Variants in ZNF91 observed in about 807,000 individuals in gnomAD.
The protein encoded by ZNF91 is zinc finger protein 91 (HPF7, HTF10).
Under a neutral mutation model 12.6 loss-of-function variants are expected in ZNF91, and 7 were observed. The ratio of observed to expected loss-of-function variants is 0.55; its 90% CI spans 0.31 to 1.04. ZNF91 has a LOEUF of 1.04. Ranked by LOEUF, ZNF91 falls within the 50% of genes least tolerant of loss-of-function variation. The probability of loss-of-function intolerance (pLI) is 0.05; values close to 1 mark genes in which losing one functional copy is unlikely to be tolerated. For missense variants in ZNF91, 1,217 were observed against 1,385.4 expected (o/e 0.88, Z 1.93); for synonymous variants, 453 against 462.6 (o/e 0.98, Z 0.27).
intron 1 of ZNF91, among the ~76,000 whole-genome samples, chr19:23,384,204 A>G (rs973824438): frequency 1.3e-5 from 2 of 152,184 alleles, no homozygotes; most frequent in African/African-American, 4.8e-5. Flanking sequence ...CATCAGGAAA[A>G]CCGTAGAGAC....
At chr19:23,314,662 C>G (rs1967523323), upstream of ZNF91, among the ~76,000 whole-genome samples, 1 of 152,078 alleles carries the variant, frequency 6.6e-6, no homozygotes, top group African/African-American at 2.4e-5. Flanking sequence ...CATCCTGAGG[C>G]TTACCCACAG....
chr19:23,343,199 T>C (rs1968158674), intron 3 of ZNF91, among the ~76,000 whole-genome samples: 1 of 152,202 alleles, frequency 6.6e-6, no homozygotes, highest in Non-Finnish European at 1.5e-5. Flanking sequence ...AGTTCTCATA[T>C]GGAGAAGTCA....
intron 1 of ZNF91, chr19:23,384,996 A>G (rs1969829040): frequency 7.6e-6 from 9 of 1,191,052 alleles, no homozygotes; most frequent in Non-Finnish European, 1.1e-5. Flanking sequence ...GTCAGGAGAA[A>G]AGCAGTCTGT....
At chr19:23,372,675 A>T (rs1223173632) in intron 3 of ZNF91, among the ~76,000 whole-genome samples, 2 of 152,188 alleles carry the variant, frequency 1.3e-5, no homozygotes, top group African/African-American at 4.8e-5. Context: ...CTGCCCTTCC[A>T]GAGGCCTGGA....
rs755372276 is a variant in ZNF91, at chr19:23,360,553, C to T, written c.2426G>A (p.Arg809His). The T allele has an allele frequency of 5.6e-5, 90 of 1,605,726 alleles. No homozygotes were observed. Among genetic ancestry groups the T allele is most frequent in the Middle Eastern group, 1.7e-4 (1 of 5,996 alleles). The change falls in exon 4 of 4, where the codon CGT (arginine) becomes CAT (histidine). Residue 809 changes from arginine (R) to histidine (H), a missense_variant. By Grantham distance (29) the Arg-to-His change is conservative (BLOSUM62 0). Coordinates refer to ENST00000300619, the MANE Select transcript of ZNF91 (RefSeq NM_003430.4). ...KCEECGKAFS[R>H]SSTLTKHKTI... Reference sequence around the variant, plus strand: ...CTTATGCTTAGTAAGGGTTGAGGAACGGCTAAAAGCTTTGCCACATTCTTC... The same window carrying T: ...CTTATGCTTAGTAAGGGTTGAGGAATGGCTAAAAGCTTTGCCACATTCTTC...
rs573627642 is a variant in ZNF91 at position 23,346,261 on chromosome 19, C to A, written c.254-7207G>T. Among the ~76,000 whole-genome samples, 5 of 152,212 alleles carry A rather than the reference C, an allele frequency of 3.3e-5. No homozygotes were observed. In the South Asian group the frequency reaches 8.3e-4, roughly 25 times the overall value. On this transcript the variant is annotated intron_variant, in intron 3 of 3. Transcript: ENST00000599743. ...ACATTATCCTCTCTGCCACCCTCTCCCCAGAAGACGAGGACCGTATCTAGA... is the reference window on the plus strand; with the variant it reads ...ACATTATCCTCTCTGCCACCCTCTCACCAGAAGACGAGGACCGTATCTAGA...
At chr19:23,372,419 C>T (rs1269968617) in intron 3 of ZNF91, among the ~76,000 whole-genome samples, 1 of 152,094 alleles carries the variant, frequency 6.6e-6, no homozygotes, top group Admixed American at 6.5e-5. Context: ...TGCAAGACCC[C>T]ATCTCAAAAA....
At chr19:23,348,525 T>C (rs1968287335) in intron 3 of ZNF91, among the ~76,000 whole-genome samples, 1 of 152,234 alleles carries the variant, frequency 6.6e-6, no homozygotes, top group African/African-American at 2.4e-5. Flanking sequence ...AATCCCATCA[T>C]CTTTGTAAGC....
intron 1 of ZNF91, among the ~76,000 whole-genome samples, chr19:23,309,289 A>C (rs1167039320): frequency 6.6e-6 from 1 of 151,994 alleles, no homozygotes; most frequent in Non-Finnish European, 1.5e-5. Flanking sequence ...ATATCTTTGC[A>C]CCCATCACCT....
chr19:23,329,958 ATC>A (rs1431853807), intron 1 of ZNF91, among the ~76,000 whole-genome samples: 2 of 152,164 alleles, frequency 1.3e-5, no homozygotes, highest in Admixed American at 6.5e-5. Flanking sequence ...GAGAAAAAAT[ATC>A]TGTCTCACTT....
chr19:23,362,075 C>G lies in ZNF91; in HGVS notation c.904G>C (p.Ala302Pro). Residue 302 changes from alanine (A) to proline (P), a missense_variant, in exon 4 of 4, where the codon GCT (alanine) becomes CCT (proline). Ala to Pro is a conservative substitution (Grantham distance 27, BLOSUM62 -1). Coordinates refer to ENST00000300619, the MANE Select transcript of ZNF91 (RefSeq NM_003430.4). ...GCAAGGGTTGAAGAATGGCTAAAAGCTTTGCCACATTCTTCACATTTGTAG... is the reference window on the plus strand; with the variant it reads ...GCAAGGGTTGAAGAATGGCTAAAAGGTTTGCCACATTCTTCACATTTGTAG... The part of the protein sequence containing the change: ...KPYKCEECGK[A>P]FSHSSTLAKH... The G allele has an allele frequency of 6.2e-7, 1 of 1,613,824 alleles. No homozygotes were observed. Among genetic ancestry groups the G allele is most frequent in the Non-Finnish European group, 8.5e-7 (1 of 1,179,924 alleles).
In ZNF91 at chr19:23,361,497, T is replaced by G; in HGVS notation, c.1482A>C (p.Glu494Asp). The G allele has an allele frequency of 6.2e-7, 1 of 1,613,918 alleles. No homozygotes were observed. Among genetic ancestry groups the G allele is most frequent in the South Asian group, 1.1e-5 (1 of 91,074 alleles). ...HTGEKPYKCE[E>D]CGKAFRQSST... ...AGGATTGCCTAAAAGCTTTGCCACA[T>G]TCTTCACATTTGTAGGGCTTCTCTC... Residue 494 changes from glutamate (E) to aspartate (D), a missense_variant, in exon 4 of 4, where the codon GAA becomes GAC. Around this residue, in one of 2 missense-constraint regions of ZNF91, gnomAD observed 726 missense variants for 895.5 expected, o/e 0.81. Transcript: ENST00000300619.
intron 1 of ZNF91, among the ~76,000 whole-genome samples, chr19:23,391,079 A>C (rs1234583704): frequency 6.6e-6 from 1 of 152,246 alleles, no homozygotes; most frequent in Non-Finnish European, 1.5e-5. Flanking sequence ...AGAAATTGCC[A>C]CACTGCTTTT....
chr19:23,372,385 T>C (rs1470442241), intron 3 of ZNF91, among the ~76,000 whole-genome samples: 2 of 151,780 alleles, frequency 1.3e-5, no homozygotes, highest in Non-Finnish European at 2.9e-5. Flanking sequence ...CCGGTCAAAA[T>C]ATTAAGACCT....
At chr19:23,312,708 T>C (rs1003157883), upstream of ZNF91, among the ~76,000 whole-genome samples, 1 of 152,184 alleles carries the variant, frequency 6.6e-6, no homozygotes, top group African/African-American at 2.4e-5. Context: ...ATGTTGACTC[T>C]CATACTTGGG....
At position 23,305,575 on chromosome 19, in the gene ZNF91, C is replaced by T. The variant is rs143019215; in HGVS notation, n.278-444G>A. Among the ~76,000 whole-genome samples the T allele has an allele frequency of 4.4e-4, 67 of 152,266 alleles. No homozygotes were observed. In the East Asian group the frequency reaches 0.011, roughly 25 times the overall value. On this transcript the variant is annotated intron_variant and non_coding_transcript_variant, in intron 3 of 3. Transcript: ENST00000593292. ...GGTCATTACAGTCAATTAACCAATC[C>T]CAGGAGATTAAAATCAGCCAATTAG...
At chr19:23,369,117 CT>C (rs1370139973) in intron 3 of ZNF91, among the ~76,000 whole-genome samples, 2 of 152,112 alleles carry the variant, frequency 1.3e-5, no homozygotes, top group Non-Finnish European at 2.9e-5. Context: ...CAAGACCAGC[CT>C]GCTAAACGTG....
intron 1 of ZNF91, 106 bp from the exon 2 acceptor site, chr19:23,374,870 T>A: frequency 6.6e-7 from 1 of 1,516,618 alleles, no homozygotes; most frequent in Admixed American, 2.1e-5. Flanking sequence ...TTCTGACTTA[T>A]AAGAGTGGCT....
rs561466675 is a variant in ZNF91, at chr19:23,357,720, A to G, written c.*1683T>C. ...ATATGGATTTTACTTATGTTTGTAT[A>G]TAAGTTTTATTATGACCATAAAAAT... On this transcript the variant is annotated 3_prime_UTR_variant, in exon 4 of 4. Transcript: ENST00000300619. The G allele has an allele frequency of 7.2e-5, 11 of 152,360 alleles. No homozygotes were observed. In the South Asian group the frequency reaches 1.7e-3, roughly 23 times the overall value. The allele number at this position is 152,360 out of a possible 1,614,324, so 9.4% of individuals were successfully genotyped here. A position where few individuals can be genotyped will look rare whatever the true frequency, so the allele number is the denominator to read the frequency against.
Sources: allele counts gnomAD v4.1 joint callset (sites outside exome capture counted in the v4.1 genomes callset), GRCh38; gene constraint gnomAD v4.1.1; regional missense constraint gnomAD v4.1.1; transcripts MANE v1.5; gene names NCBI Gene and HGNC (gene_info 2026-07-23, HGNC 2026-07-21).